The following FBXL2 variants were observed in gnomAD, a reference collection of about 807,000 sequenced individuals.
The protein encoded by FBXL2 is F-box/LRR-repeat protein 2.
FBXL2 carries 38 observed loss-of-function variants against 69.2 expected under a neutral mutation model. The observed-to-expected ratio is 0.55, with a 90% CI of 0.42 to 0.72. The LOEUF (loss-of-function observed/expected upper bound fraction) is 0.72, where lower values mean the gene tolerates loss of function less well. FBXL2 is among the 30% of genes least tolerant of loss of function. FBXL2 has a pLI of 0.00. For synonymous variants in FBXL2, 192 were observed against 201.3 expected, an observed-to-expected ratio of 0.95 and a Z score of 0.39; for missense variants, 354 against 520.3, an observed-to-expected ratio of 0.68 and a Z score of 3.11.
At chr3:33,335,682 T>G (rs987984185) in intron 2 of FBXL2, among the ~76,000 whole-genome samples, 1 of 152,056 alleles carries the variant, frequency 6.6e-6, no homozygotes, top group East Asian at 1.9e-4. Flanking sequence ...GCATAAATAT[T>G]TAATTATTTC....
In FBXL2 at chr3:33,336,773, C is replaced by T. The variant is rs142737220; in HGVS notation, c.66-22194C>T. On this transcript the variant is annotated intron_variant, in intron 2 of 14. Coordinates refer to ENST00000484457, the MANE Select transcript of FBXL2 (RefSeq NM_012157.5). Reference sequence around the variant, plus strand: ...TGTAAAAATTAGCTGGGTGTGGTGGCGTGCACTTGTAGTCCCAGCTACTCA... The same window carrying T: ...TGTAAAAATTAGCTGGGTGTGGTGGTGTGCACTTGTAGTCCCAGCTACTCA... Among the ~76,000 whole-genome samples, 214 of 152,040 alleles carry T rather than the reference C, an allele frequency of 1.4e-3. 1 individual carries two copies. In the East Asian group the frequency reaches 0.039, roughly 28 times the overall value.
intron 2 of FBXL2, among the ~76,000 whole-genome samples, chr3:33,352,474 AT>A (rs1167803960): frequency 6.6e-6 from 1 of 152,244 alleles, no homozygotes; most frequent in Non-Finnish European, 1.5e-5. Flanking sequence ...CTTTATTAAA[AT>A]TTAAAACATC....
chr3:33,390,173 T>C, downstream of FBXL2: 3 of 689,488 alleles, frequency 4.4e-6, no homozygotes, highest in Non-Finnish European at 4.9e-6. Flanking sequence ...AGTGAGGAGA[T>C]TCACCTCTCA....
chr3:33,372,704 TAGA>T (rs2154048017), intron 5 of FBXL2: 3 of 320,320 alleles, frequency 9.4e-6, no homozygotes, highest in Non-Finnish European at 1.8e-5. Flanking sequence ...GGCACAGTAC[TAGA>T]AGATTTGCCC....
At chr3:33,328,636 G>A (rs1255797236) in intron 2 of FBXL2, among the ~76,000 whole-genome samples, 1 of 152,028 alleles carries the variant, frequency 6.6e-6, no homozygotes, top group Admixed American at 6.6e-5. Flanking sequence ...GGGGAAACTG[G>A]ATAACCCTAT....
At chr3:33,345,678 GAA>G (rs2040379010) in intron 2 of FBXL2, among the ~76,000 whole-genome samples, 1 of 152,002 alleles carries the variant, frequency 6.6e-6, no homozygotes, top group African/African-American at 2.4e-5. Context: ...TCATTTAAAA[GAA>G]TAGCATACAA....
At chr3:33,388,125 TTTAGTTAGTTAGTTAG>T (rs71070136), downstream of FBXL2, 3 of 145,724 alleles carry the variant, frequency 2.1e-5, no homozygotes, top group Admixed American at 2.0e-4. Context: ...TCTGGAATAG[TTTAGTTAGTTAGTTAG>T]TTAGTTAGTT....
chr3:33,310,489 A>G (rs1292904357), intron 2 of FBXL2, among the ~76,000 whole-genome samples: 1 of 152,156 alleles, frequency 6.6e-6, no homozygotes, highest in Non-Finnish European at 1.5e-5. Context: ...CATACTAAAC[A>G]TATGTGACTT....
In FBXL2 at chr3:33,396,189, T is replaced by C. The variant is rs764862366; in HGVS notation, n.1215-7045T>C. The C allele has an allele frequency of 1.0e-5, 16 of 1,593,596 alleles. No homozygotes were observed. Among genetic ancestry groups the C allele is most frequent in the Admixed American group, 1.7e-5 (1 of 59,736 alleles). ...TAGGGTGCCCCACTGCCATTCTCGCTTGCACTGCTTGCAGCTTGCTGCTGC... is the reference window on the plus strand; with the variant it reads ...TAGGGTGCCCCACTGCCATTCTCGCCTGCACTGCTTGCAGCTTGCTGCTGC... On this transcript the variant is annotated intron_variant and non_coding_transcript_variant, in intron 12 of 12. Transcript: ENST00000463736.
At chr3:33,362,446 A>G (rs1038414967) in intron 4 of FBXL2, among the ~76,000 whole-genome samples, 116 of 152,348 alleles carry the variant, frequency 7.6e-4, no homozygotes, top group African/African-American at 2.4e-3. Flanking sequence ...TAAGACACAG[A>G]GTCACTGGCT....
intron 2 of FBXL2, among the ~76,000 whole-genome samples, chr3:33,337,200 G>A (rs552860930): frequency 3.9e-5 from 6 of 152,152 alleles, no homozygotes; most frequent in Admixed American, 1.3e-4. Flanking sequence ...GCAAGACTCC[G>A]TCTCAAAAAC....
chr3:33,356,283 G>A (rs1297407409), intron 2 of FBXL2, among the ~76,000 whole-genome samples: 5 of 152,198 alleles, frequency 3.3e-5, no homozygotes, highest in African/African-American at 9.6e-5. Context: ...TTTGGGGCAA[G>A]TTTGAGATTG....
At chr3:33,281,622 T>C (rs1299909754) in intron 1 of FBXL2, among the ~76,000 whole-genome samples, 1 of 152,184 alleles carries the variant, frequency 6.6e-6, no homozygotes, top group Non-Finnish European at 1.5e-5. Flanking sequence ...ATCGCCGCAC[T>C]GTCTTCCACA....
At position 33,387,821 on chromosome 3, in the gene FBXL2, C is replaced by CACTT. The variant is rs1022052135; in HGVS notation, c.*2214_*2217dup. ...CGGTGGCTCACGCCTGTAATCCCAG[C>CACTT]ACTTTGGGAGGCAGAGGCGGGCGGA... On this transcript the variant is annotated 3_prime_UTR_variant, in exon 15 of 15. Transcript: ENST00000484457. 6.6e-6 allele frequency: 1 copy of CACTT among 152,256 alleles called. No individual in the cohort carries two copies. The highest frequency in any genetic ancestry group is 2.4e-5 in the African/African-American group (1 of 41,416). 9.4% of individuals were successfully genotyped at this position (152,256 alleles called of 1,614,324 possible).
chr3:33,420,290 T>C, the FBXL2 span, among the ~76,000 whole-genome samples: 1 of 152,300 alleles, frequency 6.6e-6, no homozygotes, highest in African/African-American at 2.4e-5. Context: ...CCAATAAACA[T>C]GCTGTTTCTA....
At chr3:33,349,498 G>T (rs2040683385) in intron 2 of FBXL2, among the ~76,000 whole-genome samples, 1 of 152,122 alleles carries the variant, frequency 6.6e-6, no homozygotes, top group African/African-American at 2.4e-5. Flanking sequence ...TGTTGAATTT[G>T]GTTTGTTAGT....
At chr3:33,375,264 T>C in intron 9 of FBXL2, 24 bp from the exon 10 acceptor site, 1 of 1,604,802 alleles carries the variant, frequency 6.2e-7, no homozygotes, top group Non-Finnish European at 8.5e-7. Context: ...CTCTGACTTT[T>C]CTTTCTGTGC....
intron 12 of FBXL2, among the ~76,000 whole-genome samples, chr3:33,402,617 A>G (rs921406074): frequency 2.0e-5 from 3 of 152,196 alleles, no homozygotes; most frequent in African/African-American, 7.2e-5. Context: ...GGCTCGGAGT[A>G]AAAAAGGCTG....
chr3:33,353,765 T>TTA (rs1372772544), intron 2 of FBXL2, among the ~76,000 whole-genome samples: 4 of 152,100 alleles, frequency 2.6e-5, no homozygotes, highest in African/African-American at 9.7e-5. Context: ...TGGTGTGGCT[T>TTA]TACTTTCCCC....
Sources: allele counts gnomAD v4.1 joint callset (sites outside exome capture counted in the v4.1 genomes callset), GRCh38; gene constraint gnomAD v4.1.1; transcripts MANE v1.5; gene names NCBI Gene and HGNC (gene_info 2026-07-23, HGNC 2026-07-21).